The following STXBP5L variants were observed in gnomAD, a reference collection of about 807,000 sequenced individuals.
The protein encoded by STXBP5L is syntaxin binding protein 5L.
A neutral mutation model predicts 144.5 loss-of-function variants in STXBP5L; 65 were observed. The observed-to-expected ratio is 0.45, with a 90% CI of 0.37 to 0.55. The LOEUF is 0.55. STXBP5L is among the 20% of genes least tolerant of loss of function. The pLI, the probability that STXBP5L is intolerant of heterozygous loss-of-function variation, is 0.00. For missense variants in STXBP5L, 1,298 were observed against 1,405.5 expected, an observed-to-expected ratio of 0.92 and a Z score of 1.22; for synonymous variants, 505 against 469.6, an observed-to-expected ratio of 1.08 and a Z score of -0.97.
chr3:121,389,313 T>G (rs113142692), intron 22 of STXBP5L, among the ~76,000 whole-genome samples: 19,278 of 152,242 alleles, frequency 0.13, 1,354 homozygotes, highest in Middle Eastern at 0.18. Context: ...CTATCAATTT[T>G]GTTGATCTTT....
Position 120,984,632 on chromosome 3 carries a change from C to CTTTTTTTTTTTTTTTTTTTTT in STXBP5L, c.287+29597_287+29617dup, listed in dbSNP as rs35656223. Among the ~76,000 whole-genome samples the CTTTTTTTTTTTTTTTTTTTTT allele has an allele frequency of 8.2e-4, 59 of 71,958 alleles. 1 individual carries two copies. The highest frequency in any genetic ancestry group is 1.8e-3 in the Admixed American group (8 of 4,558). 47.2% of individuals were successfully genotyped at this position (71,958 alleles called of 152,430 possible). The stretch of plus-strand genomic sequence containing the variant: ...TGGATGCCTTTCATTTCTTTCTTTC[C>CTTTTTTTTTTTTTTTTTTTTT]TTTTTTTTTTTTTTTTTTTTTTGCC... On this transcript the variant is annotated intron_variant, in intron 3 of 26. Coordinates refer to ENST00000471454, the MANE Select transcript of STXBP5L (RefSeq NM_001308330.2).
At chr3:121,307,298 G>GA (rs1457112102) in intron 19 of STXBP5L, among the ~76,000 whole-genome samples, 3 of 152,024 alleles carry the variant, frequency 2.0e-5, no homozygotes, top group Non-Finnish European at 2.9e-5. Context: ...CATTCACAGG[G>GA]AAAAAAAGCA....
intron 3 of STXBP5L, among the ~76,000 whole-genome samples, chr3:120,962,833 G>A (rs990620240): frequency 3.3e-5 from 5 of 152,152 alleles, no homozygotes; most frequent in Non-Finnish European, 7.3e-5. Flanking sequence ...TAGCTTGATG[G>A]GGATGGCATT....
At chr3:121,402,083 C>T (rs2046891308) in intron 22 of STXBP5L, among the ~76,000 whole-genome samples, 1 of 151,800 alleles carries the variant, frequency 6.6e-6, no homozygotes. Context: ...TGTGCTAGGC[C>T]CACAAATTGT....
chr3:121,203,977 G>A (rs2048237217), intron 9 of STXBP5L, among the ~76,000 whole-genome samples: 1 of 152,114 alleles, frequency 6.6e-6, no homozygotes, highest in Admixed American at 6.6e-5. Flanking sequence ...GGTGGCTCAT[G>A]CCTGTAATCC....
At chr3:121,235,701 C>T (rs893909015) in intron 12 of STXBP5L, among the ~76,000 whole-genome samples, 2 of 152,006 alleles carry the variant, frequency 1.3e-5, no homozygotes, top group Non-Finnish European at 2.9e-5. Context: ...GTTTAACCTA[C>T]TTGTCCCTTA....
intron 9 of STXBP5L, among the ~76,000 whole-genome samples, chr3:121,189,355 G>T (rs899352778): frequency 6.6e-6 from 1 of 152,174 alleles, no homozygotes; most frequent in Middle Eastern, 3.2e-3. Context: ...ACTGTTTTAG[G>T]TCTAACATTT....
chr3:121,336,535 C>CA (rs928166259), intron 20 of STXBP5L, among the ~76,000 whole-genome samples: 2 of 151,090 alleles, frequency 1.3e-5, no homozygotes, highest in Admixed American at 6.6e-5. Flanking sequence ...AACAAACAAA[C>CA]AAAAAAATCC....
chr3:121,330,036 T>C (rs1173902339), intron 20 of STXBP5L, among the ~76,000 whole-genome samples: 5 of 152,220 alleles, frequency 3.3e-5, no homozygotes, highest in African/African-American at 1.2e-4. Flanking sequence ...ATATTTCTGC[T>C]TCCATACATG....
intron 22 of STXBP5L, among the ~76,000 whole-genome samples, chr3:121,401,762 G>A (rs2046880407): frequency 9.3e-6 from 1 of 107,358 alleles, no homozygotes; most frequent in African/African-American, 3.5e-5. Flanking sequence ...GGGGAGGGGG[G>A]AGGGATAGCA....
At position 121,420,398 on chromosome 3, in the gene STXBP5L, G is replaced by C. The variant is rs373307568; in HGVS notation, c.*1301G>C. On this transcript the variant is annotated 3_prime_UTR_variant, in exon 27 of 27. Coordinates refer to ENST00000471454, the MANE Select transcript of STXBP5L (RefSeq NM_001308330.2). ...TTAATGATACAAAATCAATGCTTTT[G>C]TCCCTAGGTCAAATAATATAAGCCA... The C allele has an allele frequency of 8.3e-6, 1 of 120,954 alleles. No individual in the cohort carries two copies. The highest frequency in any genetic ancestry group is 2.7e-4 in the East Asian group (1 of 3,670). The allele number at this position is 120,954 out of a possible 1,614,324, so 7.5% of individuals were successfully genotyped here.
At chr3:121,287,047 G>T (rs7622640) in intron 19 of STXBP5L, among the ~76,000 whole-genome samples, 15,083 of 152,124 alleles carry the variant, frequency 0.099, 1,162 homozygotes, top group Admixed American at 0.2. Flanking sequence ...CTAGAGCAAA[G>T]TGCTGATCAA....
chr3:121,328,609 G>T (rs746870237), intron 20 of STXBP5L, among the ~76,000 whole-genome samples: 41 of 152,208 alleles, frequency 2.7e-4, no homozygotes, highest in Non-Finnish European at 4.7e-4. Context: ...ACTTAGCCGG[G>T]CATGGTGGCA....
intron 5 of STXBP5L, among the ~76,000 whole-genome samples, chr3:121,093,780 G>C (rs985643520): frequency 6.6e-6 from 1 of 152,220 alleles, no homozygotes; most frequent in African/African-American, 2.4e-5. Flanking sequence ...CTTAAGTTCT[G>C]TTCTGATTTT....
intron 3 of STXBP5L, among the ~76,000 whole-genome samples, chr3:120,969,354 T>A (rs777130689): frequency 9.0e-4 from 137 of 151,968 alleles, no homozygotes; most frequent in Non-Finnish European, 1.7e-3. Context: ...TTGAGAATTA[T>A]CTATTCATGT....
At chr3:121,288,515 C>T (rs2051308204) in intron 19 of STXBP5L, among the ~76,000 whole-genome samples, 1 of 152,094 alleles carries the variant, frequency 6.6e-6, no homozygotes, top group East Asian at 1.9e-4. Context: ...TATTTTTTGA[C>T]TTTGTAATAA....
At chr3:121,204,980 A>G (rs1259849729) in intron 9 of STXBP5L, among the ~76,000 whole-genome samples, 4 of 152,198 alleles carry the variant, frequency 2.6e-5, no homozygotes, top group Non-Finnish European at 5.9e-5. Context: ...GATTTTTAAA[A>G]ATCATGAAAT....
chr3:121,204,920 A>C (rs993692822), intron 9 of STXBP5L, among the ~76,000 whole-genome samples: 8 of 152,212 alleles, frequency 5.3e-5, no homozygotes, highest in Non-Finnish European at 4.4e-5. Context: ...CCCATCCCCT[A>C]TAAGAAATTA....
intron 22 of STXBP5L, among the ~76,000 whole-genome samples, chr3:121,392,797 A>C (rs1466987096): frequency 7.1e-6 from 1 of 140,104 alleles, no homozygotes. Flanking sequence ...ATATATATAT[A>C]TATATATATA....
Sources: allele counts gnomAD v4.1 joint callset (sites outside exome capture counted in the v4.1 genomes callset), GRCh38; gene constraint gnomAD v4.1.1; transcripts MANE v1.5; gene names NCBI Gene and HGNC (gene_info 2026-07-23, HGNC 2026-07-21).